The following CFAP251 variants were observed in gnomAD, a reference collection of about 807,000 sequenced individuals.
CFAP251 encodes cilia and flagella associated protein 251, also known as cilia- and flagella-associated protein 251.
CFAP251 carries 93 observed loss-of-function variants against 126.7 expected under a neutral mutation model. That is an observed-to-expected ratio of 0.73 (90% CI 0.62 to 0.87). CFAP251 has a LOEUF of 0.87. Among genes scored for constraint, CFAP251 ranks in the 40% least tolerant of loss-of-function variants. The pLI is 0.00. For missense variants in CFAP251, 1,287 were observed against 1,389.2 expected, an observed-to-expected ratio of 0.93 and a Z score of 1.17; for synonymous variants, 503 against 506.9, an observed-to-expected ratio of 0.99 and a Z score of 0.10.
At chr12:121,962,209 C>G (rs1430461264) in intron 15 of CFAP251, 47 bp downstream of exon 15, 1 of 1,573,644 alleles carries the variant, frequency 6.4e-7, no homozygotes, top group South Asian at 1.2e-5. Context: ...ATCAAGTTCT[C>G]TGCCCCCAAC....
intron 17 of CFAP251, chr12:121,969,174 A>G (rs1237950102): frequency 1.0e-6 from 1 of 985,308 alleles, no homozygotes; most frequent in Non-Finnish European, 1.2e-6. Flanking sequence ...GCCATCTGCC[A>G]AATGCACATC....
chr12:121,920,253 G>C (rs1880109350), intron 1 of CFAP251, among the ~76,000 whole-genome samples: 1 of 136,550 alleles, frequency 7.3e-6, no homozygotes, highest in African/African-American at 2.7e-5. Flanking sequence ...TTTGAGAGAG[G>C]GTCTCGCTCT....
At chr12:121,994,133 G>A (rs1270277612) in intron 19 of CFAP251, among the ~76,000 whole-genome samples, 6 of 83,200 alleles carry the variant, frequency 7.2e-5, no homozygotes, top group South Asian at 5.7e-4. Flanking sequence ...CCGGCCAGCC[G>A]CCCCGTCCGG....
intron 17 of CFAP251, among the ~76,000 whole-genome samples, chr12:121,973,318 A>G (rs1882382398): frequency 6.6e-6 from 1 of 152,234 alleles, no homozygotes; most frequent in Non-Finnish European, 1.5e-5. Flanking sequence ...CAGAAGGTGT[A>G]TGGAAACACC....
chr12:121,992,413 T>C, intron 19 of CFAP251: 1 of 985,208 alleles, frequency 1.0e-6, no homozygotes, highest in Non-Finnish European at 1.2e-6. Flanking sequence ...ACATGCTGAG[T>C]GGTTTGTGCT....
At chr12:121,962,183 A>G (rs1881963351) in intron 15 of CFAP251, 21 bp downstream of exon 15, 1 of 1,608,064 alleles carries the variant, frequency 6.2e-7, no homozygotes, top group East Asian at 2.2e-5. Context: ...GGAGCTTCCC[A>G]TTGCAGGGGG....
At chr12:121,952,487 G>A (rs1324489819) in intron 9 of CFAP251, among the ~76,000 whole-genome samples, 1 of 151,904 alleles carries the variant, frequency 6.6e-6, no homozygotes, top group Admixed American at 6.6e-5. Context: ...CCCTTATAAA[G>A]CTGCTCAGTT....
intron 13 of CFAP251, chr12:121,959,441 C>G (rs995376622): frequency 1.1e-5 from 2 of 188,318 alleles, no homozygotes; most frequent in Non-Finnish European, 2.2e-5. Context: ...AAGCAGTGGT[C>G]TTCGCTAAAC....
At chr12:121,931,715 A>C (rs971516937) in intron 3 of CFAP251, 31 bp from the exon 4 acceptor site, 2 of 1,511,882 alleles carry the variant, frequency 1.3e-6, no homozygotes, top group Non-Finnish European at 1.8e-6. Flanking sequence ...ACACGCTGTA[A>C]TGTCTTGCTG....
At chr12:121,920,418 A>T (rs1880118928) in intron 1 of CFAP251, among the ~76,000 whole-genome samples, 1 of 139,596 alleles carries the variant, frequency 7.2e-6, no homozygotes, top group Non-Finnish European at 1.5e-5. Flanking sequence ...TTTTTTTGAG[A>T]CGGAGTCTCG....
At chr12:121,951,686 A>C (rs1364696646) in intron 9 of CFAP251, among the ~76,000 whole-genome samples, 156 bp downstream of exon 9, 1 of 152,122 alleles carries the variant, frequency 6.6e-6, no homozygotes, top group Non-Finnish European at 1.5e-5. Flanking sequence ...ATACATATTG[A>C]ATTGTCAGTT....
At chr12:121,981,187 G>C (rs2135804239) in intron 19 of CFAP251, among the ~76,000 whole-genome samples, 1 of 152,210 alleles carries the variant, frequency 6.6e-6, no homozygotes, top group Non-Finnish European at 1.5e-5. Context: ...TGAACTCTTG[G>C]CCAGTCACGG....
intron 19 of CFAP251, among the ~76,000 whole-genome samples, chr12:121,977,832 G>A (rs1267545297): frequency 1.2e-3 from 174 of 150,908 alleles, no homozygotes; most frequent in Non-Finnish European, 1.2e-3. Flanking sequence ...GGTGGTGGGC[G>A]CCTGTAGTCC....
chr12:121,969,466 G>T, intron 17 of CFAP251: 2 of 985,390 alleles, frequency 2.0e-6, no homozygotes, highest in East Asian at 1.1e-4. Context: ...ACCCTGTGGG[G>T]ACAAGCAGAA....
chr12:121,962,057 C>T lies in CFAP251; in HGVS notation c.2387C>T (p.Pro796Leu), dbSNP rs1293132177. ...CACCACACCGACCAGGGCTGCTATC[C>T]CACCTGCATGGTCTGGTACCCACCA... ...DIHHTDQGCY[P>L]TCMVWYPPLT... Residue 796 changes from proline to leucine, a missense_variant, in exon 15 of 22, where the codon CCC becomes CTC. Coordinates refer to ENST00000288912, the MANE Select transcript of CFAP251 (RefSeq NM_144668.6). 3 of 1,613,876 alleles carry T rather than the reference C, an allele frequency of 1.9e-6. No homozygotes were observed. The highest frequency in any genetic ancestry group is 3.3e-5 in the Admixed American group (2 of 60,004).
rs199857843 is a variant in CFAP251 at position 121,961,978 on chromosome 12, A to C, written c.2308A>C (p.Ile770Leu). 6.2e-7 allele frequency: 1 copy of C among 1,612,896 alleles called. No individual in the cohort carries two copies. Among genetic ancestry groups the C allele is most frequent in the East Asian group, 2.2e-5 (1 of 44,884 alleles). The part of the protein sequence containing the change: ...LLSLGTDRLL[I>L]EYDLLRSYKD... ...TGTGTCCATCTGGGCTCCTCTGCAG[A>C]TAGAGTATGATCTTCTCAGGAGCTA... is the stretch of plus-strand genomic sequence containing the variant. Residue 770 changes from isoleucine to leucine, a missense_variant and splice_region_variant, in exon 15 of 22, where the codon ATA becomes CTA. Ile to Leu is a conservative substitution (Grantham distance 5). Transcript: ENST00000288912.
rs142891995 is a variant in CFAP251, at chr12:121,991,866, G to A, written c.3007-7850G>A. Among the ~76,000 whole-genome samples, 560 of 152,188 alleles carry A rather than the reference G, an allele frequency of 3.7e-3. 21 individuals are homozygous for A. In the East Asian group the frequency reaches 0.082, roughly 22 times the overall value. On this transcript the variant is annotated intron_variant, in intron 19 of 21. Coordinates refer to ENST00000288912, the MANE Select transcript of CFAP251 (RefSeq NM_144668.6). The stretch of plus-strand genomic sequence containing the variant: ...AAATTAGCCAGCTGTGGTGGCGCGC[G>A]CCTGTAGTCCCAGCTACTTGGGAGG...
chr12:121,960,906 G>A, intron 14 of CFAP251, 148 bp downstream of exon 14: 1 of 1,015,454 alleles, frequency 9.8e-7, no homozygotes, highest in Admixed American at 2.8e-5. Flanking sequence ...ACCTCTCCAG[G>A]TTGGCATTTT....
chr12:121,995,512 CTT>C (rs919467553), intron 19 of CFAP251, among the ~76,000 whole-genome samples: 1 of 147,872 alleles, frequency 6.8e-6, no homozygotes, highest in East Asian at 2.0e-4. Context: ...GGAATCTTGC[CTT>C]TTTTTTTTGA....
Sources: gnomAD v4.1 joint callset for allele counts (sites outside exome capture counted in the v4.1 genomes callset) on GRCh38, gnomAD v4.1.1 for gene constraint, MANE v1.5 for transcripts, NCBI Gene and HGNC (gene_info 2026-07-23, HGNC 2026-07-21) for gene names.